The following ZNF420 variants were observed in gnomAD, a reference collection of about 807,000 sequenced individuals.
The protein encoded by ZNF420 is ATM and p53-associated KZNF protein.
Under a neutral mutation model 44.7 loss-of-function variants are expected in ZNF420, and 31 were observed. The ratio of observed to expected loss-of-function variants is 0.69; its 90% CI spans 0.52 to 0.94. The LOEUF is 0.94. Among genes scored for constraint, ZNF420 ranks in the 40% least tolerant of loss-of-function variants. The pLI is 0.00. For missense variants in ZNF420, 681 were observed against 827.9 expected (o/e 0.82, Z 2.18); for synonymous variants, 245 against 267.4 (o/e 0.92, Z 0.82).
intron 1 of ZNF420, among the ~76,000 whole-genome samples, chr19:37,024,650 A>G (rs1024023229): frequency 2.0e-5 from 3 of 152,036 alleles, no homozygotes; most frequent in Non-Finnish European, 4.4e-5. Context: ...GGGTTTCACT[A>G]TGTTGGCTAG....
rs34862836 is a variant in ZNF420, at chr19:37,129,707, TAA to T, written c.*661_*662del. ...TGCTATAAGAGGAAATTCATACTGT[TAA>T]AAAAAAAAAAACCCAGTGGATATAA... On this transcript the variant is annotated 3_prime_UTR_variant, in exon 5 of 5. Transcript: ENST00000337995. The T allele has an allele frequency of 0.17, 25,024 of 145,784 alleles. 2,210 individuals are homozygous for T. The highest frequency in any genetic ancestry group is 0.25 in the African/African-American group (9,512 of 38,452). The allele number at this position is 145,784 out of a possible 1,614,324, so 9.0% of individuals were successfully genotyped here.
At chr19:37,019,953 C>T (rs777930804) in intron 1 of ZNF420, among the ~76,000 whole-genome samples, 3 of 152,128 alleles carry the variant, frequency 2.0e-5, no homozygotes, top group Non-Finnish European at 4.4e-5. Flanking sequence ...CGTGGTGGCT[C>T]ACGCCTGTAA....
chr19:37,042,963 G>C (rs935836717), intron 1 of ZNF420, among the ~76,000 whole-genome samples: 1 of 151,432 alleles, frequency 6.6e-6, no homozygotes, highest in Non-Finnish European at 1.5e-5. Flanking sequence ...AGAGAGCCAA[G>C]GAGAGAGAGA....
At chr19:37,104,849 GGTT>G (rs1969987737) in intron 4 of ZNF420, among the ~76,000 whole-genome samples, 1 of 152,104 alleles carries the variant, frequency 6.6e-6, no homozygotes, top group Non-Finnish European at 1.5e-5. Flanking sequence ...TTTTTGATGG[GGTT>G]GTTTTCTTCT....
chr19:37,095,469 C>CT (rs1451645979), intron 4 of ZNF420, among the ~76,000 whole-genome samples: 1 of 152,038 alleles, frequency 6.6e-6, no homozygotes, highest in African/African-American at 2.4e-5. Context: ...GCAATGTTTG[C>CT]TTGTGGATTT....
intron 1 of ZNF420, among the ~76,000 whole-genome samples, chr19:37,038,885 C>CT (rs1469589560): frequency 6.6e-6 from 1 of 152,058 alleles, no homozygotes; most frequent in Non-Finnish European, 1.5e-5. Flanking sequence ...CCTCGGGCGT[C>CT]TGAGGCAGGA....
At position 37,130,226 on chromosome 19, in the gene ZNF420, T is replaced by G; in HGVS notation, c.*1168T>G. On this transcript the variant is annotated 3_prime_UTR_variant, in exon 5 of 5. Coordinates refer to ENST00000337995, the MANE Select transcript of ZNF420 (RefSeq NM_144689.5). ...ATGGAGCAGAAATACAGAAGGAGTCTGCAACCCTGATGACTTTGTGGAACA... is the reference window on the plus strand; with the variant it reads ...ATGGAGCAGAAATACAGAAGGAGTCGGCAACCCTGATGACTTTGTGGAACA... 1 of 1,542,660 alleles carries G rather than the reference T, an allele frequency of 6.5e-7. No homozygotes were observed. Among genetic ancestry groups the G allele is most frequent in the Non-Finnish European group, 8.7e-7 (1 of 1,143,654 alleles).
At chr19:37,055,799 C>G (rs913640566) in intron 1 of ZNF420, among the ~76,000 whole-genome samples, 75 of 152,246 alleles carry the variant, frequency 4.9e-4, no homozygotes, top group African/African-American at 1.8e-3. Flanking sequence ...GAGGGGCAAA[C>G]AGGATGAAGA....
At chr19:37,023,646 G>A (rs185165818) in intron 1 of ZNF420, among the ~76,000 whole-genome samples, 155 of 152,260 alleles carry the variant, frequency 1.0e-3, no homozygotes, top group African/African-American at 3.5e-3. Context: ...GATTACAGGC[G>A]TGAGCCACTG....
chr19:37,074,691 GAAC>G (rs1968117333), upstream of ZNF420, among the ~76,000 whole-genome samples: 1 of 152,144 alleles, frequency 6.6e-6, no homozygotes, highest in Non-Finnish European at 1.5e-5. Context: ...TTATGCAGGA[GAAC>G]AACCTTGTTC....
chr19:37,110,830 G>A (rs887539777), intron 4 of ZNF420, among the ~76,000 whole-genome samples: 23 of 152,220 alleles, frequency 1.5e-4, no homozygotes, highest in Non-Finnish European at 2.6e-4. Context: ...TTTTCTAAAG[G>A]TCCGTGACTG....
At position 37,089,052 on chromosome 19, in the gene ZNF420, A is replaced by G. The variant is rs1312568155; in HGVS notation, c.-67A>G. 6.8e-7 allele frequency: 1 copy of G among 1,472,760 alleles called. No individual in the cohort carries two copies. The highest frequency in any genetic ancestry group is 1.7e-5 in the Admixed American group (1 of 59,822). 91.2% of individuals were successfully genotyped at this position (1,472,760 alleles called of 1,614,324 possible). A position where few individuals can be genotyped will look rare whatever the true frequency, so the allele number is the denominator to read the frequency against. Reference sequence around the variant, plus strand: ...TCTCCTCCGTAGCTCTGCATTCTCCAGACTCTGTGCTTTCCTAAGATAGGA... The same window carrying G: ...TCTCCTCCGTAGCTCTGCATTCTCCGGACTCTGTGCTTTCCTAAGATAGGA... On this transcript the variant is annotated 5_prime_UTR_variant, in exon 3 of 5. Coordinates refer to ENST00000337995, the MANE Select transcript of ZNF420 (RefSeq NM_144689.5).
rs191587512 is a variant in ZNF420 at position 37,052,563 on chromosome 19, A to T, written c.-124-27782A>T. 4.6e-3 allele frequency among the ~76,000 whole-genome samples: 705 copies of T among 152,270 alleles called. 3 individuals carry two copies. The highest frequency in any genetic ancestry group is 8.1e-3 in the Non-Finnish European group (549 of 68,026). The stretch of plus-strand genomic sequence containing the variant: ...CTCTTTTAGGGCAGGCCTGCTGGTG[A>T]CAAAATCTCTCAGCATTTGCTTGTC... On this transcript the variant is annotated intron_variant, in intron 1 of 4. Coordinates refer to the ZNF420 transcript ENST00000587029.
At chr19:37,106,732 A>C (rs1403808212) in intron 4 of ZNF420, 1 of 152,088 alleles carries the variant, frequency 6.6e-6, no homozygotes, top group African/African-American at 2.4e-5. Context: ...ACAGAGACAA[A>C]GTGTGGAGAA....
chr19:37,042,104 A>G (rs1437640408), intron 1 of ZNF420, among the ~76,000 whole-genome samples: 1 of 152,084 alleles, frequency 6.6e-6, no homozygotes, highest in African/African-American at 2.4e-5. Context: ...AGTTCAAGCA[A>G]TTCTCTCCCT....
At chr19:37,010,952 A>T (rs1431427613) in intron 1 of ZNF420, among the ~76,000 whole-genome samples, 4 of 152,052 alleles carry the variant, frequency 2.6e-5, no homozygotes, top group Admixed American at 2.6e-4. Flanking sequence ...AAGCCACACC[A>T]CGACACAATC....
intron 1 of ZNF420, among the ~76,000 whole-genome samples, chr19:37,056,935 C>A (rs946186364): frequency 6.6e-6 from 1 of 152,260 alleles, no homozygotes; most frequent in Non-Finnish European, 1.5e-5. Flanking sequence ...TCTGCGCTGC[C>A]GCCATTGCTT....
At position 37,052,453 on chromosome 19, in the gene ZNF420, G is replaced by A. The variant is rs551893242; in HGVS notation, c.-124-27892G>A. ...CGTTAGTTGATGCAGTCTCTTCCTA[G>A]CCTCAATGGTCTTTACAATTTGGCA... is the stretch of plus-strand genomic sequence containing the variant. On this transcript the variant is annotated intron_variant, in intron 1 of 4. Transcript: ENST00000587029. 2.0e-4 allele frequency among the ~76,000 whole-genome samples: 30 copies of A among 152,256 alleles called. No individual in the cohort carries two copies. In the East Asian group the frequency reaches 3.9e-3, roughly 20 times the overall value.
At chr19:37,096,495 A>G (rs1040091541) in intron 4 of ZNF420, among the ~76,000 whole-genome samples, 10 of 152,040 alleles carry the variant, frequency 6.6e-5, no homozygotes, top group African/African-American at 2.4e-4. Flanking sequence ...TCTGAACTTT[A>G]TGTCTTGAAT....
Sources: allele counts gnomAD v4.1 joint callset (sites outside exome capture counted in the v4.1 genomes callset), GRCh38; gene constraint gnomAD v4.1.1; transcripts MANE v1.5; gene names NCBI Gene and HGNC (gene_info 2026-07-23, HGNC 2026-07-21).